The following NKIRAS1 variants were observed in gnomAD, a reference collection of about 807,000 sequenced individuals.
The protein encoded by NKIRAS1 is NFKB inhibitor interacting Ras like 1, also known as NF-kappa-B inhibitor-interacting Ras-like protein 1.
Under a neutral mutation model 19.8 loss-of-function variants are expected in NKIRAS1, and 16 were observed. The ratio of observed to expected loss-of-function variants is 0.81; its 90% confidence interval spans 0.55 to 1.23. The LOEUF (loss-of-function observed/expected upper bound fraction) is 1.23, where lower values mean the gene tolerates loss of function less well. Ranked by LOEUF, NKIRAS1 falls within the 50% of genes most tolerant of loss-of-function variation. NKIRAS1 has a pLI of 0.00. For synonymous variants in NKIRAS1, 88 were observed against 79.0 expected (o/e 1.11, Z -0.61); for missense variants, 184 against 220.0 (o/e 0.84, Z 1.04).
rs978526161 is a variant in NKIRAS1, at chr3:23,926,972, C to T, written c.-139-15522G>A. On this transcript the variant is annotated intron_variant, in intron 1 of 4. Coordinates refer to the NKIRAS1 transcript ENST00000421515. This position sits in a 1 kb window ranked among gnomAD's most constrained non-coding sequence, Gnocchi z 4.3. ...GCTACACTTTGACCATCAGCTGCCC[C>T]AAACAGGATGAAATCCATGTCGCAG... Among the ~76,000 whole-genome samples the T allele has an allele frequency of 6.6e-6, 1 of 152,120 alleles. No individual in the cohort carries two copies. The highest frequency in any genetic ancestry group is 1.5e-5 in the Non-Finnish European group (1 of 68,032).
chr3:23,917,631 C>T (rs1007340574), upstream of NKIRAS1: 5 of 486,664 alleles, frequency 1.0e-5, no homozygotes, highest in Non-Finnish European at 1.8e-5. Context: ...CCCACCAAAA[C>T]GTGCCGAGCA....
chr3:23,912,841 G>A (rs538708912), intron 1 of NKIRAS1, among the ~76,000 whole-genome samples: 28 of 151,898 alleles, frequency 1.8e-4, no homozygotes, highest in East Asian at 3.9e-4. Context: ...CACATACGTC[G>A]GGCGCGGTGG....
chr3:23,942,802 G>A (rs184298780), intron 1 of NKIRAS1, among the ~76,000 whole-genome samples: 23 of 152,166 alleles, frequency 1.5e-4, no homozygotes, highest in Non-Finnish European at 2.4e-4. Context: ...AGACTGGAAT[G>A]CACTGGGGAG....
intron 4 of NKIRAS1, among the ~76,000 whole-genome samples, chr3:23,896,135 A>C (rs1339570033): frequency 1.5e-3 from 3 of 1,944 alleles, no homozygotes; most frequent in African/African-American, 5.9e-3. Context: ...ACTCCATCTC[A>C]AAAAAAAAAA....
intron 1 of NKIRAS1, among the ~76,000 whole-genome samples, chr3:23,938,209 C>CTTTTTTTTTTT (rs11418287): frequency 7.3e-6 from 1 of 137,656 alleles, no homozygotes. Flanking sequence ...AGTACAGTAC[C>CTTTTTTTTTTT]TTTTTTTTTT....
upstream of NKIRAS1, chr3:23,919,744 C>A: frequency 7.7e-7 from 1 of 1,295,110 alleles, no homozygotes; most frequent in Non-Finnish European, 9.8e-7. Context: ...GTGTATAAAA[C>A]ATACTGTGTG....
chr3:23,945,029 G>A (rs1053461115), intron 1 of NKIRAS1, among the ~76,000 whole-genome samples: 4 of 152,074 alleles, frequency 2.6e-5, no homozygotes, highest in Admixed American at 6.5e-5. Context: ...AAGAGGAGGA[G>A]GAGGGGAGGA....
chr3:23,938,866 GC>G (rs1453882258), intron 1 of NKIRAS1, among the ~76,000 whole-genome samples: 2 of 152,212 alleles, frequency 1.3e-5, no homozygotes, highest in African/African-American at 4.8e-5. Context: ...CCCTGAGGCT[GC>G]CATGTTGTGA....
At chr3:23,915,060 G>A (rs147251919) in intron 1 of NKIRAS1, among the ~76,000 whole-genome samples, 1 of 152,224 alleles carries the variant, frequency 6.6e-6, no homozygotes, top group East Asian at 1.9e-4. Flanking sequence ...CCAAACCTGT[G>A]AATATGTTTA....
intron 4 of NKIRAS1, among the ~76,000 whole-genome samples, chr3:23,898,335 C>T (rs1702183536): frequency 6.6e-6 from 1 of 151,986 alleles, no homozygotes; most frequent in African/African-American, 2.4e-5. Context: ...TGGAATACTA[C>T]TCACCAAGAA....
intron 3 of NKIRAS1, among the ~76,000 whole-genome samples, chr3:23,904,996 A>T (rs911470275): frequency 5.4e-5 from 8 of 148,160 alleles, no homozygotes; most frequent in Non-Finnish European, 1.2e-4. Flanking sequence ...TGAATCTTTT[A>T]TTTTTTTTTC....
chr3:23,945,689 G>T, intron 1 of NKIRAS1: 2 of 788,914 alleles, frequency 2.5e-6, no homozygotes, highest in Non-Finnish European at 3.3e-6. Context: ...GTGTCCCCAT[G>T]GCCGGTGGGG....
At chr3:23,901,495 C>A (rs1410236381) in intron 3 of NKIRAS1, among the ~76,000 whole-genome samples, 1 of 152,042 alleles carries the variant, frequency 6.6e-6, no homozygotes, top group African/African-American at 2.4e-5. Context: ...AAACAAAATT[C>A]TTTTAAAAAA....
intron 1 of NKIRAS1, among the ~76,000 whole-genome samples, chr3:23,935,745 C>A (rs746659271): frequency 4.1e-4 from 62 of 151,798 alleles, no homozygotes; most frequent in Non-Finnish European, 7.5e-4. Flanking sequence ...AATTTGTTTT[C>A]TAGAATGTAG....
chr3:23,919,411 A>G, upstream of NKIRAS1: 1 of 1,604,024 alleles, frequency 6.2e-7, no homozygotes, highest in African/African-American at 1.3e-5. Context: ...GTGGCCTTGG[A>G]AAGGGCCACA....
chr3:23,930,428 T>A (rs547753954), intron 1 of NKIRAS1, among the ~76,000 whole-genome samples: 1 of 150,338 alleles, frequency 6.7e-6, no homozygotes, highest in Non-Finnish European at 1.5e-5. Flanking sequence ...AAACCCTCCA[T>A]TGATTTTGAA....
At chr3:23,900,406 C>T (rs1046413114) in intron 4 of NKIRAS1, among the ~76,000 whole-genome samples, 1 of 151,900 alleles carries the variant, frequency 6.6e-6, no homozygotes, top group East Asian at 1.9e-4. Context: ...AGGCCAAGGC[C>T]GGCAAAGCAC....
At chr3:23,946,319 A>C in intron 1 of NKIRAS1, 1 of 983,722 alleles carries the variant, frequency 1.0e-6, no homozygotes, top group Non-Finnish European at 1.2e-6. Flanking sequence ...TGGTAGCTGC[A>C]TACCTTGCAG....
chr3:23,934,590 A>G (rs988336993), intron 1 of NKIRAS1, among the ~76,000 whole-genome samples: 3 of 152,190 alleles, frequency 2.0e-5, no homozygotes, highest in African/African-American at 7.2e-5. Flanking sequence ...CTCATTATAC[A>G]GTGCCTTCAG....
Sources: gnomAD v4.1 joint callset for allele counts (sites outside exome capture counted in the v4.1 genomes callset) on GRCh38, gnomAD v4.1.1 for gene constraint, Gnocchi (gnomAD v3.1) non-coding constraint, MANE v1.5 for transcripts, NCBI Gene and HGNC (gene_info 2026-07-23, HGNC 2026-07-21) for gene names.